The following PRIM2 variants were observed in gnomAD, a reference collection of about 807,000 sequenced individuals.
PRIM2 encodes the protein DNA primase subunit 2.
A neutral mutation model predicts 67.3 loss-of-function variants in PRIM2; 39 were observed. The observed-to-expected ratio is 0.58, with a 90% CI of 0.45 to 0.76. The LOEUF is 0.76. Ranked by LOEUF, PRIM2 falls within the 30% of genes least tolerant of loss-of-function variation. The probability of loss-of-function intolerance (pLI) is 0.00; values close to 1 mark genes in which losing one functional copy is unlikely to be tolerated. For missense variants in PRIM2, 398 were observed against 598.7 expected, an observed-to-expected ratio of 0.66 and a Z score of 3.50; for synonymous variants, 143 against 198.7, an observed-to-expected ratio of 0.72 and a Z score of 2.36.
At chr6:57,248,453 A>C in the PRIM2 span, among the ~76,000 whole-genome samples, 2 of 152,234 alleles carry the variant, frequency 1.3e-5, no homozygotes, top group Non-Finnish European at 2.9e-5. Context: ...CAAAATGCAC[A>C]AACAAAGCAA....
chr6:57,431,927 G>A (rs530067849), intron 7 of PRIM2, among the ~76,000 whole-genome samples: 5 of 152,106 alleles, frequency 3.3e-5, no homozygotes, highest in African/African-American at 1.2e-4. Flanking sequence ...AATTGCATGG[G>A]TAGTTGTGGC....
At chr6:57,374,516 TCTC>T (rs1769687289) in intron 5 of PRIM2, among the ~76,000 whole-genome samples, 1 of 151,284 alleles carries the variant, frequency 6.6e-6, no homozygotes, top group Non-Finnish European at 1.5e-5. Context: ...ATGGTCTCGA[TCTC>T]CTGACCTCGT....
At position 57,326,082 on chromosome 6, in the gene PRIM2, A is replaced by G. The variant is rs1051750107; in HGVS notation, c.459+37A>G. ...TTTGTAGTTATTTCTAATTGTTCTC[A>G]CCATTCATTTTTCCCTTCTGTCTTA... On this transcript the variant is annotated intron_variant, in intron 5 of 13. Coordinates refer to ENST00000615550, the MANE Select transcript of PRIM2 (RefSeq NM_000947.5). 2.5e-6 allele frequency: 4 copies of G among 1,599,802 alleles called. No homozygotes were observed. In the African/African-American group the frequency reaches 5.4e-5, roughly 22 times the overall value.
intron 5 of PRIM2, among the ~76,000 whole-genome samples, chr6:57,374,801 G>A (rs62418011): frequency 1.3e-5 from 2 of 152,112 alleles, no homozygotes; most frequent in African/African-American, 4.8e-5. Context: ...GTGTTGGGCA[G>A]TCATGAACTC....
intron 10 of PRIM2, among the ~76,000 whole-genome samples, chr6:57,547,192 A>G (rs1311360446): frequency 6.4e-4 from 98 of 152,294 alleles, no homozygotes; most frequent in African/African-American, 2.4e-3. Flanking sequence ...TCTACCTGAA[A>G]AAAGCATCAC....
chr6:57,464,732 T>G (rs2127399000), intron 7 of PRIM2, among the ~76,000 whole-genome samples: 1 of 152,270 alleles, frequency 6.6e-6, no homozygotes, highest in Non-Finnish European at 1.5e-5. Flanking sequence ...CAGCAGATAT[T>G]TATTATGTAC....
At chr6:57,574,527 CTAGT>C (rs1219903412) in intron 10 of PRIM2, among the ~76,000 whole-genome samples, 1 of 152,140 alleles carries the variant, frequency 6.6e-6, no homozygotes. Flanking sequence ...TTAAAATCAA[CTAGT>C]TATATAATTT....
intron 7 of PRIM2, among the ~76,000 whole-genome samples, chr6:57,491,503 C>T (rs1773890121): frequency 6.6e-6 from 1 of 152,122 alleles, no homozygotes; most frequent in Admixed American, 6.5e-5. Context: ...TAAAGAGATA[C>T]ATCTCTTTTT....
chr6:57,237,701 G>C, the PRIM2 span, among the ~76,000 whole-genome samples: 1 of 152,044 alleles, frequency 6.6e-6, no homozygotes, highest in Non-Finnish European at 1.5e-5. Flanking sequence ...GTTTTTCTCA[G>C]GTTTGTCAAA....
intron 10 of PRIM2, among the ~76,000 whole-genome samples, chr6:57,571,676 A>G (rs1286486388): frequency 6.7e-6 from 1 of 149,626 alleles, no homozygotes; most frequent in Non-Finnish European, 1.5e-5. Flanking sequence ...AAAACAAAAA[A>G]CAAAAAAACA....
chr6:57,468,685 C>T (rs1325613277), intron 7 of PRIM2, among the ~76,000 whole-genome samples: 8 of 152,156 alleles, frequency 5.3e-5, no homozygotes, highest in Admixed American at 5.2e-4. Context: ...TAAGTACTTA[C>T]TATTTTTAGC....
chr6:57,421,648 C>T (rs2127372104), intron 7 of PRIM2, among the ~76,000 whole-genome samples: 1 of 152,250 alleles, frequency 6.6e-6, no homozygotes, highest in East Asian at 1.9e-4. Context: ...CCAGACTATT[C>T]AGTGATAGCT....
intron 7 of PRIM2, among the ~76,000 whole-genome samples, chr6:57,439,557 A>C (rs1027840867): frequency 6.6e-6 from 1 of 151,278 alleles, no homozygotes; most frequent in Non-Finnish European, 1.5e-5. Flanking sequence ...CTGAGATTAC[A>C]GGCACCCGCC....
At chr6:57,463,250 G>A (rs1023403150) in intron 7 of PRIM2, among the ~76,000 whole-genome samples, 6 of 152,200 alleles carry the variant, frequency 3.9e-5, no homozygotes, top group African/African-American at 1.4e-4. Context: ...CTAGTGCTTT[G>A]GGAGGCCAAG....
chr6:57,529,636 G>T (rs1774845050), intron 8 of PRIM2, among the ~76,000 whole-genome samples: 1 of 152,264 alleles, frequency 6.6e-6, no homozygotes, highest in South Asian at 2.1e-4. Flanking sequence ...CAAGGCAAGG[G>T]AAAATAATAC....
chr6:57,335,243 G>A (rs1169372444), intron 5 of PRIM2, among the ~76,000 whole-genome samples: 1 of 152,256 alleles, frequency 6.6e-6, no homozygotes, highest in Non-Finnish European at 1.5e-5. Context: ...TGCTAGCACA[G>A]CAGTCTGAGA....
chr6:57,583,986 A>G (rs1328532392), intron 10 of PRIM2, among the ~76,000 whole-genome samples: 5 of 152,278 alleles, frequency 3.3e-5, no homozygotes, highest in African/African-American at 9.6e-5. Context: ...GTTAAACACT[A>G]AAGATCTGTA....
At chr6:57,545,753 G>C (rs1188436030) in intron 10 of PRIM2, among the ~76,000 whole-genome samples, 13 of 152,210 alleles carry the variant, frequency 8.5e-5, no homozygotes, top group Non-Finnish European at 1.5e-4. Flanking sequence ...CCTTATTCAC[G>C]AGAGTCTTCC....
chr6:57,590,878 T>TA (rs1776271137), intron 10 of PRIM2, among the ~76,000 whole-genome samples: 1 of 152,220 alleles, frequency 6.6e-6, no homozygotes, highest in Admixed American at 6.5e-5. Context: ...ATGTGATAGA[T>TA]ATAACTCCTT....
Sources: gnomAD v4.1 joint callset for allele counts (sites outside exome capture counted in the v4.1 genomes callset) on GRCh38, gnomAD v4.1.1 for gene constraint, MANE v1.5 for transcripts, NCBI Gene and HGNC (gene_info 2026-07-23, HGNC 2026-07-21) for gene names.